ATP5PB: variants seen among roughly 807,000 people sequenced by gnomAD.
The protein encoded by ATP5PB is ATP synthase peripheral stalk-membrane subunit b.
In ATP5PB, 21 loss-of-function variants were observed where a neutral mutation model predicts 34.5. The ratio of observed to expected loss-of-function variants is 0.61; its 90% CI spans 0.43 to 0.88. ATP5PB has a LOEUF of 0.88. Ranked by LOEUF, ATP5PB falls within the 40% of genes least tolerant of loss-of-function variation. The probability of loss-of-function intolerance (pLI) is 0.00; values close to 1 mark genes in which losing one functional copy is unlikely to be tolerated. For missense variants in ATP5PB, 293 were observed against 317.4 expected (o/e 0.92, Z 0.58); for synonymous variants, 108 against 114.1 (o/e 0.95, Z 0.34).
rs746322583 is a variant in ATP5PB, at chr1:111,449,577, A to G, written c.36A>G (p.Thr12=). ...GGGTGGTACTTTCCGCCGCCGCCAC[A>G]GCGGGTAAGGGGTATAGACCCTGCT... ...LSRVVLSAAA[T]AAPSLKNAAF... Residue 12 remains threonine, a synonymous_variant, in exon 1 of 7, where the codon ACA becomes ACG. Coordinates refer to ENST00000369722, the MANE Select transcript of ATP5PB (RefSeq NM_001688.5). 1 of 1,608,720 alleles carries G rather than the reference A, an allele frequency of 6.2e-7. No homozygotes were observed. The highest frequency in any genetic ancestry group is 1.7e-5 in the Admixed American group (1 of 59,542).
rs763912567 is a variant in ATP5PB, at chr1:111,449,489, C to A, written c.-53C>A. The A allele has an allele frequency of 6.2e-7, 1 of 1,614,238 alleles. No homozygotes were observed. The highest frequency in any genetic ancestry group is 8.5e-7 in the Non-Finnish European group (1 of 1,180,040). ...CATCTTGGTCCTGCCCTGACAGATTCTCCTATCGGGGTCACAGGGACGCTA... is the reference window on the plus strand; with the variant it reads ...CATCTTGGTCCTGCCCTGACAGATTATCCTATCGGGGTCACAGGGACGCTA... On this transcript the variant is annotated 5_prime_UTR_variant, in exon 1 of 7. Coordinates refer to ENST00000369722, the MANE Select transcript of ATP5PB (RefSeq NM_001688.5).
chr1:111,457,312 AACACACAC>A (rs111663185), intron 5 of ATP5PB, among the ~76,000 whole-genome samples: 1 of 146,716 alleles, frequency 6.8e-6, no homozygotes, highest in Non-Finnish European at 1.5e-5. Flanking sequence ...GACTCTCTCA[AACACACAC>A]ACACACACAC....
chr1:111,455,096 G>T (rs113978359), intron 3 of ATP5PB, among the ~76,000 whole-genome samples: 1 of 152,008 alleles, frequency 6.6e-6, no homozygotes. Context: ...TACATGTACT[G>T]CCTTTCTTGG....
chr1:111,462,334 G>A lies in ATP5PB; in HGVS notation c.*1340G>A, dbSNP rs1465423700. The A allele has an allele frequency of 1.3e-5, 2 of 152,232 alleles. No individual in the cohort carries two copies. Among genetic ancestry groups the A allele is most frequent in the Non-Finnish European group, 2.9e-5 (2 of 68,034 alleles). 9.4% of individuals were successfully genotyped at this position (152,232 alleles called of 1,614,324 possible). A position where few individuals can be genotyped will look rare whatever the true frequency, so the allele number is the denominator to read the frequency against. ...TTGAGGACGTTATGCAGTTTTACAG[G>A]ATGAGTTATGGAGCTGGATAGTGGT... On this transcript the variant is annotated 3_prime_UTR_variant, in exon 7 of 7. Transcript: ENST00000369722.
At chr1:111,451,401 T>C (rs1653330877) in intron 2 of ATP5PB, among the ~76,000 whole-genome samples, 2 of 152,198 alleles carry the variant, frequency 1.3e-5, no homozygotes, top group Admixed American at 1.3e-4. Context: ...TGTTGCTCCC[T>C]ATCCGCTTAC....
rs1228928581 is a variant in ATP5PB, at chr1:111,462,274, G to GA, written c.*1284dup. 6.6e-6 allele frequency: 1 copy of GA among 152,214 alleles called. No homozygotes were observed. The highest frequency in any genetic ancestry group is 2.4e-5 in the African/African-American group (1 of 41,458). 9.4% of individuals were successfully genotyped at this position (152,214 alleles called of 1,614,324 possible). On this transcript the variant is annotated 3_prime_UTR_variant, in exon 7 of 7. Transcript: ENST00000369722. ...TGGAATATTATTCCACTTCAAGGAA[G>GA]AAAATTCTGACACTGGCTACAGCAT...
rs1400268299 is a variant in ATP5PB at position 111,459,613 on chromosome 1, G to C, written c.670G>C (p.Val224Leu). The change falls in exon 6 of 7, where the codon GTG (valine) becomes CTG (leucine). Residue 224 changes from valine (V) to leucine (L), a missense_variant. Transcript: ENST00000369722. Reference sequence around the variant, plus strand: ...GATAAATTGGGTGGAGAAGCACGTGGTGCAAAGCATCTCCACACAGCAGGT... The same window carrying C: ...GATAAATTGGGTGGAGAAGCACGTGCTGCAAAGCATCTCCACACAGCAGGT... ...HMINWVEKHV[V>L]QSISTQQEKE... 1.2e-6 allele frequency: 2 copies of C among 1,613,880 alleles called. No homozygotes were observed.
At position 111,461,075 on chromosome 1, in the gene ATP5PB, G is replaced by A. The variant is rs1653610009; in HGVS notation, c.*81G>A. The A allele has an allele frequency of 7.6e-7, 1 of 1,320,018 alleles. No individual in the cohort carries two copies. The highest frequency in any genetic ancestry group is 1.1e-6 in the Non-Finnish European group (1 of 930,676). The allele number at this position is 1,320,018 out of a possible 1,614,324, so 81.8% of individuals were successfully genotyped here. A position where few individuals can be genotyped will look rare whatever the true frequency, so the allele number is the denominator to read the frequency against. On this transcript the variant is annotated 3_prime_UTR_variant, in exon 7 of 7. Coordinates refer to ENST00000369722, the MANE Select transcript of ATP5PB (RefSeq NM_001688.5). ...AGTCTATTTGACAAAGTCTTTCTGT[G>A]TTGGTGTCTACTGAAGTTATAGTTT...
intron 3 of ATP5PB, among the ~76,000 whole-genome samples, chr1:111,454,706 G>A (rs1006540381): frequency 1.3e-5 from 2 of 152,180 alleles, no homozygotes; most frequent in Non-Finnish European, 1.5e-5. Flanking sequence ...GCCTCCCAAA[G>A]TGCTGGGATT....
At chr1:111,450,370 G>T (rs528263835) in intron 2 of ATP5PB, among the ~76,000 whole-genome samples, 1 of 152,168 alleles carries the variant, frequency 6.6e-6, no homozygotes. Flanking sequence ...ACAAGAATGA[G>T]TATGGCTAAT....
In ATP5PB at chr1:111,454,466, TTG is replaced by T. The variant is rs920144941; in HGVS notation, c.223+112_223+113del. On this transcript the variant is annotated intron_variant, in intron 3 of 6. Coordinates refer to ENST00000369722, the MANE Select transcript of ATP5PB (RefSeq NM_001688.5). ...GTTGTTGTTGTTGTTGTTGTTGTTG[TTG>T]TTTTTTGAGACAGGGTATTACTCTA... 2.7e-5 allele frequency: 38 copies of T among 1,396,760 alleles called. No homozygotes were observed. In the African/African-American group the frequency reaches 4.9e-4, roughly 18 times the overall value. 86.5% of individuals were successfully genotyped at this position (1,396,760 alleles called of 1,614,324 possible).
At chr1:111,450,010 A>G in intron 2 of ATP5PB, 137 bp downstream of exon 2, 1 of 1,098,576 alleles carries the variant, frequency 9.1e-7, no homozygotes, top group Non-Finnish European at 1.4e-6. Context: ...TCTTTCAGAC[A>G]AGACACTTGT....
chr1:111,457,686 T>C (rs945308976), intron 5 of ATP5PB, among the ~76,000 whole-genome samples: 8 of 152,174 alleles, frequency 5.3e-5, no homozygotes, highest in South Asian at 2.1e-4. Context: ...ATTAGAGTTA[T>C]CTTTGGTGTT....
intron 2 of ATP5PB, among the ~76,000 whole-genome samples, chr1:111,450,538 A>C (rs142840295): frequency 6.6e-6 from 1 of 152,218 alleles, no homozygotes; most frequent in Non-Finnish European, 1.5e-5. Flanking sequence ...ATAATAGTGC[A>C]TTGTGGCTTT....
At position 111,459,591 on chromosome 1, in the gene ATP5PB, A is replaced by G. The variant is rs764834418; in HGVS notation, c.648A>G (p.Ile216Met). Residue 216 changes from isoleucine (I) to methionine (M), a missense_variant, in exon 6 of 7, where the codon ATA (isoleucine) becomes ATG (methionine). Physicochemically the swap from Ile to Met is conservative, Grantham distance 10. Transcript: ENST00000369722. ...GTCGAAAGGAACAAGAACACATGAT[A>G]AATTGGGTGGAGAAGCACGTGGTGC... Reference protein sequence around the residue: ...MMRRKEQEHMINWVEKHVVQS... With the variant: ...MMRRKEQEHMMNWVEKHVVQS... 3 of 1,613,952 alleles carry G rather than the reference A, an allele frequency of 1.9e-6. No individual in the cohort carries two copies. The highest frequency in any genetic ancestry group is 1.1e-5 in the South Asian group (1 of 91,074).
At chr1:111,452,046 G>T (rs1005876962) in intron 2 of ATP5PB, among the ~76,000 whole-genome samples, 1 of 152,008 alleles carries the variant, frequency 6.6e-6, no homozygotes, top group Non-Finnish European at 1.5e-5. Context: ...TTGAGCCCAG[G>T]AGGTGGAGGC....
Position 111,461,209 on chromosome 1 carries a change from A to T in ATP5PB, c.*215A>T. 2.2e-6 allele frequency: 1 copy of T among 462,068 alleles called. No individual in the cohort carries two copies. The highest frequency in any genetic ancestry group is 2.7e-5 in the South Asian group (1 of 37,696). The allele number at this position is 462,068 out of a possible 1,614,324, so 28.6% of individuals were successfully genotyped here. On this transcript the variant is annotated 3_prime_UTR_variant, in exon 7 of 7. Coordinates refer to ENST00000369722, the MANE Select transcript of ATP5PB (RefSeq NM_001688.5). ...TGCTCTGCCTTTGAGTTGTTCCGTG[A>T]TCACTTCTGAATAAGCAGTTTGCCT...
chr1:111,454,109 C>T (rs1469566745), intron 2 of ATP5PB, 102 bp from the exon 3 acceptor site: 3 of 1,251,412 alleles, frequency 2.4e-6, no homozygotes, highest in Non-Finnish European at 3.2e-6. Flanking sequence ...AGTTAGAAAA[C>T]TGCCTCAATT....
rs779942500 is a variant in ATP5PB at position 111,459,566 on chromosome 1, G to A, written c.623G>A (p.Arg208His). The A allele has an allele frequency of 9.9e-6, 16 of 1,613,814 alleles. No homozygotes were observed. Among genetic ancestry groups the A allele is most frequent in the Admixed American group, 1.7e-5 (1 of 59,990 alleles). The change falls in exon 6 of 7, where the codon CGT becomes CAT. Residue 208 changes from arginine (R) to histidine (H), a missense_variant. Physicochemically the swap from Arg to His is conservative, Grantham distance 29 (BLOSUM62 0). Transcript: ENST00000369722. ...DYHISVQNMMRRKEQEHMINW... is the reference protein window; with the variant it reads ...DYHISVQNMMHRKEQEHMINW... ...CATATATCTGTGCAGAACATGATGCGTCGAAAGGAACAAGAACACATGATA... is the reference window on the plus strand; with the variant it reads ...CATATATCTGTGCAGAACATGATGCATCGAAAGGAACAAGAACACATGATA...
Sources: allele counts gnomAD v4.1 joint callset (sites outside exome capture counted in the v4.1 genomes callset), GRCh38; gene constraint gnomAD v4.1.1; transcripts MANE v1.5; gene names NCBI Gene and HGNC (gene_info 2026-07-23, HGNC 2026-07-21).